The following BCAS3 variants were observed in gnomAD, a reference collection of about 807,000 sequenced individuals.
BCAS3 encodes the protein BCAS3 microtubule associated cell migration factor, also known as BCAS4/BCAS3 fusion.
In BCAS3, 53 loss-of-function variants were observed where a neutral mutation model predicts 116.1. The ratio of observed to expected loss-of-function variants is 0.46; its 90% CI spans 0.37 to 0.57. The LOEUF is 0.57. Ranked by LOEUF, BCAS3 falls within the 20% of genes least tolerant of loss-of-function variation. The probability of loss-of-function intolerance (pLI) is 0.00; values close to 1 mark genes in which losing one functional copy is unlikely to be tolerated. For synonymous variants in BCAS3, 391 were observed against 408.2 expected, an observed-to-expected ratio of 0.96 and a Z score of 0.51; for missense variants, 917 against 1,165.4, an observed-to-expected ratio of 0.79 and a Z score of 3.10.
At chr17:61,064,340 T>C (rs1326661617) in intron 19 of BCAS3, among the ~76,000 whole-genome samples, 7 of 152,146 alleles carry the variant, frequency 4.6e-5, no homozygotes, top group Admixed American at 1.3e-4. Flanking sequence ...TTGGACTGTT[T>C]GAAATTTTTC....
rs1842983058 is a variant in BCAS3, at chr17:61,346,126, T to C, written c.2426-22201T>C. 6.6e-6 allele frequency among the ~76,000 whole-genome samples: 1 copy of C among 152,156 alleles called. No homozygotes were observed. Among genetic ancestry groups the C allele is most frequent in the Non-Finnish European group, 1.5e-5 (1 of 68,028 alleles). On this transcript the variant is annotated intron_variant, in intron 22 of 23. Transcript: ENST00000407086. This position sits in a 1 kb window ranked among gnomAD's most constrained non-coding sequence, Gnocchi z 5.4. ...AGCGGGGTAGGTGCCATAATCCTTGTTGAAGTCGAGGAGTTGACTTAGAAG... is the reference window on the plus strand; with the variant it reads ...AGCGGGGTAGGTGCCATAATCCTTGCTGAAGTCGAGGAGTTGACTTAGAAG...
intron 4 of BCAS3, among the ~76,000 whole-genome samples, chr17:60,698,918 G>T (rs2036004880): frequency 6.6e-6 from 1 of 152,124 alleles, no homozygotes; most frequent in Non-Finnish European, 1.5e-5. Flanking sequence ...TTAGCTGGGT[G>T]TGGTGGTGGG....
chr17:60,712,843 T>C (rs1159203938), intron 5 of BCAS3, among the ~76,000 whole-genome samples: 4 of 152,166 alleles, frequency 2.6e-5, no homozygotes, highest in Non-Finnish European at 5.9e-5. Flanking sequence ...TGGAGGAATG[T>C]CGTCAGTTTT....
In BCAS3 at chr17:61,065,440, A is replaced by G. The variant is rs1291537333; in HGVS notation, c.2030-9480A>G. 6.6e-6 allele frequency among the ~76,000 whole-genome samples: 1 copy of G among 152,214 alleles called. No homozygotes were observed. Among genetic ancestry groups the G allele is most frequent in the African/African-American group, 2.4e-5 (1 of 41,458 alleles). ...TATATAAATGCTGTTTTTAATAAGC[A>G]CCAAAAATATATTGAGGTTTGTCCT... On this transcript the variant is annotated intron_variant, in intron 19 of 23. Transcript: ENST00000407086. This position sits in a 1 kb window ranked among gnomAD's most constrained non-coding sequence, Gnocchi z 4.8.
At chr17:60,981,490 C>T (rs1287518870) in intron 14 of BCAS3, among the ~76,000 whole-genome samples, 6 of 152,056 alleles carry the variant, frequency 3.9e-5, no homozygotes, top group Non-Finnish European at 1.5e-5. Context: ...ACCATGTTGG[C>T]CAGGCTGGTC....
At chr17:60,881,805 G>A (rs1471373181) in intron 9 of BCAS3, among the ~76,000 whole-genome samples, 2 of 148,316 alleles carry the variant, frequency 1.3e-5, no homozygotes, top group Admixed American at 6.7e-5. Context: ...ATTCCATGGT[G>A]TATATGTGCC....
At position 61,034,867 on chromosome 17, in the gene BCAS3, A is replaced by G. The variant is rs2066897413; in HGVS notation, c.1762+77A>G. On this transcript the variant is annotated intron_variant, in intron 17 of 23. Transcript: ENST00000407086. The surrounding 1 kb of genome is among the most constrained non-coding windows in gnomAD (Gnocchi z 5.0). ...AAGGAAAATTTTTAGCAGTTTCCCT[A>G]GAATAATCTTGTACCCAGTAGTCTG... 4 of 1,428,010 alleles carry G rather than the reference A, an allele frequency of 2.8e-6. No individual in the cohort carries two copies. The South Asian group carries it at 5.3e-5, about 19-fold the overall frequency. 88.5% of individuals were successfully genotyped at this position (1,428,010 alleles called of 1,614,324 possible).
rs910274272 is a variant in BCAS3 at position 61,244,379 on chromosome 17, T to C, written c.2426-123948T>C. Among the ~76,000 whole-genome samples, 5 of 152,206 alleles carry C rather than the reference T, an allele frequency of 3.3e-5. No homozygotes were observed. Among genetic ancestry groups the C allele is most frequent in the Non-Finnish European group, 7.3e-5 (5 of 68,042 alleles). ...TACCTGTCCAGTAATGAATGTGTTT[T>C]CCTTTGCTTTTTTACTTAGCACTAT... On this transcript the variant is annotated intron_variant, in intron 22 of 23. Transcript: ENST00000407086. This position sits in a 1 kb window ranked among gnomAD's most constrained non-coding sequence, Gnocchi z 4.9.
chr17:60,926,134 GAAC>G (rs1321875405), intron 13 of BCAS3, among the ~76,000 whole-genome samples: 1 of 152,098 alleles, frequency 6.6e-6, no homozygotes, highest in Non-Finnish European at 1.5e-5. Context: ...ATTATAAGAA[GAAC>G]ATAAATTTCT....
chr17:60,768,975 G>A (rs367732121), intron 6 of BCAS3, among the ~76,000 whole-genome samples: 8 of 152,206 alleles, frequency 5.3e-5, no homozygotes, highest in African/African-American at 1.9e-4. Context: ...GGTGTTGGCT[G>A]TGACAAGTTA....
intron 16 of BCAS3, among the ~76,000 whole-genome samples, chr17:61,033,568 T>C (rs1343476004): frequency 1.3e-5 from 2 of 152,142 alleles, no homozygotes; most frequent in African/African-American, 4.8e-5. Flanking sequence ...CCCACCATAC[T>C]TTAGTAAAGG....
At chr17:61,293,548 A>C (rs1438838853) in intron 22 of BCAS3, among the ~76,000 whole-genome samples, 2 of 152,216 alleles carry the variant, frequency 1.3e-5, no homozygotes, top group Non-Finnish European at 2.9e-5. Context: ...AGGATAGCAG[A>C]ACAAGGTCTT....
intron 8 of BCAS3, among the ~76,000 whole-genome samples, chr17:60,868,889 A>C (rs916545345): frequency 3.3e-5 from 5 of 152,226 alleles, no homozygotes; most frequent in Non-Finnish European, 5.9e-5. Context: ...GGGAATTGTG[A>C]ATTCAGTTTA....
intron 6 of BCAS3, among the ~76,000 whole-genome samples, chr17:60,761,258 A>C (rs1290277935): frequency 1.3e-5 from 2 of 152,094 alleles, no homozygotes; most frequent in African/African-American, 4.8e-5. Context: ...ACATGTGCAC[A>C]AAGTGCAGGT....
intron 22 of BCAS3, among the ~76,000 whole-genome samples, chr17:61,143,683 C>T (rs1277195394): frequency 6.6e-6 from 1 of 152,112 alleles, no homozygotes; most frequent in Non-Finnish European, 1.5e-5. Context: ...GTGGCGTGTG[C>T]ATGTAATCCC....
chr17:61,166,225 G>A (rs1053190282), intron 22 of BCAS3, among the ~76,000 whole-genome samples: 1 of 152,014 alleles, frequency 6.6e-6, no homozygotes, highest in African/African-American at 2.4e-5. Flanking sequence ...GTCCTATAAA[G>A]TATCTTATTT....
At chr17:60,992,189 TACACACACACACACAC>T (rs576760115) in intron 15 of BCAS3, among the ~76,000 whole-genome samples, 11 of 130,652 alleles carry the variant, frequency 8.4e-5, no homozygotes, top group East Asian at 4.4e-4. Flanking sequence ...TCCGATGACT[TACACACACACACACAC>T]ACACACACAC....
In BCAS3 at chr17:61,098,456, TA is replaced by T. The variant is rs2074113829; in HGVS notation, c.2425+13894del. 6.6e-6 allele frequency among the ~76,000 whole-genome samples: 1 copy of T among 152,220 alleles called. No individual in the cohort carries two copies. The highest frequency in any genetic ancestry group is 1.5e-5 in the Non-Finnish European group (1 of 68,042). ...TGATATTTTGCCAAAGTTGTGACTT[TA>T]ATATTCTGTGGCTTGTAATTGTGAT... is the stretch of plus-strand genomic sequence containing the variant. On this transcript the variant is annotated intron_variant, in intron 22 of 23. Transcript: ENST00000407086. This position sits in a 1 kb window ranked among gnomAD's most constrained non-coding sequence, Gnocchi z 4.2.
In BCAS3 at chr17:60,679,821, T is replaced by C. The variant is rs2032712453; in HGVS notation, c.83+281T>C. On this transcript the variant is annotated intron_variant, in intron 2 of 23. Coordinates refer to ENST00000407086, the MANE Select transcript of BCAS3 (RefSeq NM_017679.5). The stretch of plus-strand genomic sequence containing the variant: ...AAATTAGTGGATTGTTAAATCAGTT[T>C]AGTGGGTCAGGAGTTGTAGTAGAAA... Among the ~76,000 whole-genome samples the C allele has an allele frequency of 2.0e-5, 3 of 152,056 alleles. 1 individual carries two copies. The highest frequency in any genetic ancestry group is 2.0e-4 in the Admixed American group (3 of 15,252).
Sources: gnomAD v4.1 joint callset for allele counts (sites outside exome capture counted in the v4.1 genomes callset) on GRCh38, gnomAD v4.1.1 for gene constraint, Gnocchi (gnomAD v3.1) non-coding constraint, MANE v1.5 for transcripts, NCBI Gene and HGNC (gene_info 2026-07-23, HGNC 2026-07-21) for gene names.